The following DSCAM variants were observed in gnomAD, a reference collection of about 807,000 sequenced individuals.
DSCAM encodes the protein cell adhesion molecule DSCAM.
DSCAM carries 47 observed loss-of-function variants against 217.7 expected under a neutral mutation model. That is an observed-to-expected ratio of 0.22 (90% confidence interval 0.17 to 0.28). The LOEUF is 0.28. Among genes scored for constraint, DSCAM ranks in the 10% least tolerant of loss-of-function variants. The probability of loss-of-function intolerance (pLI) is 1.00; values close to 1 mark genes in which losing one functional copy is unlikely to be tolerated. For synonymous variants in DSCAM, 1,056 were observed against 1,015.3 expected (o/e 1.04, Z -0.76); for missense variants, 2,080 against 2,618.3 (o/e 0.79, Z 4.49).
At chr21:40,590,008 C>A (rs1463821314) in intron 3 of DSCAM, among the ~76,000 whole-genome samples, 1 of 152,154 alleles carries the variant, frequency 6.6e-6, no homozygotes, top group East Asian at 1.9e-4. Flanking sequence ...AACTCCTCTT[C>A]CTGAGAACTG....
At chr21:40,585,179 C>CTTTCTTTCT (rs371140909) in intron 3 of DSCAM, among the ~76,000 whole-genome samples, 5 of 145,916 alleles carry the variant, frequency 3.4e-5, no homozygotes, top group Non-Finnish European at 6.0e-5. Flanking sequence ...AAATCAACTT[C>CTTTCTTTCT]TTTTTTTTTT....
intron 1 of DSCAM, among the ~76,000 whole-genome samples, chr21:40,821,393 GCACACACACA>G: frequency 6.8e-6 from 1 of 146,236 alleles, no homozygotes; most frequent in Non-Finnish European, 1.5e-5. Flanking sequence ...ACACACGCGC[GCACACACACA>G]CACACACACA....
chr21:40,204,198 CGT>C (rs1430081108), intron 11 of DSCAM, among the ~76,000 whole-genome samples: 2 of 152,278 alleles, frequency 1.3e-5, no homozygotes, highest in African/African-American at 4.8e-5. Flanking sequence ...TATTTGTGTG[CGT>C]GTGTGCACAC....
At chr21:40,407,221 T>C (rs924174225) in intron 3 of DSCAM, among the ~76,000 whole-genome samples, 3 of 152,250 alleles carry the variant, frequency 2.0e-5, no homozygotes, top group Admixed American at 6.5e-5. Context: ...GAATAAATTG[T>C]GTACATTTCC....
chr21:40,467,930 C>CA (rs56379350), intron 3 of DSCAM, among the ~76,000 whole-genome samples: 5,091 of 84,256 alleles, frequency 0.06, 249 homozygotes, highest in African/African-American at 0.14. Context: ...AAAGATTAAC[C>CA]AAAAAAAAAA....
chr21:40,691,127 C>T (rs769009418), intron 3 of DSCAM, among the ~76,000 whole-genome samples: 2 of 152,228 alleles, frequency 1.3e-5, no homozygotes, highest in Non-Finnish European at 2.9e-5. Context: ...CAATTTCTCA[C>T]CCAGATTTCC....
At chr21:40,317,278 A>G (rs2123507119) in intron 8 of DSCAM, among the ~76,000 whole-genome samples, 1 of 152,322 alleles carries the variant, frequency 6.6e-6, no homozygotes, top group Admixed American at 6.5e-5. Flanking sequence ...TAAATTTTAG[A>G]TTACTGACCC....
At chr21:40,041,834 A>G (rs2088756556) in intron 32 of DSCAM, among the ~76,000 whole-genome samples, 1 of 152,184 alleles carries the variant, frequency 6.6e-6, no homozygotes, top group Non-Finnish European at 1.5e-5. Flanking sequence ...TTTAAAATAC[A>G]GCCCTCACAT....
At chr21:40,763,071 T>C (rs749169279) in intron 1 of DSCAM, among the ~76,000 whole-genome samples, 22 of 152,176 alleles carry the variant, frequency 1.4e-4, no homozygotes, top group Non-Finnish European at 2.5e-4. Context: ...CTATTCAACA[T>C]AGCATTGGAA....
chr21:40,734,626 T>C (rs1382655020), intron 1 of DSCAM, among the ~76,000 whole-genome samples: 1 of 152,208 alleles, frequency 6.6e-6, no homozygotes, highest in African/African-American at 2.4e-5. Context: ...CGGAGAGGTC[T>C]ACAGATAATG....
chr21:40,701,165 T>C (rs2090652706), intron 2 of DSCAM, among the ~76,000 whole-genome samples: 2 of 152,230 alleles, frequency 1.3e-5, no homozygotes, highest in African/African-American at 4.8e-5. Context: ...GCTATTCAGT[T>C]TATCTGTTTT....
At chr21:40,779,023 T>A (rs1348555672) in intron 1 of DSCAM, among the ~76,000 whole-genome samples, 2 of 76,422 alleles carry the variant, frequency 2.6e-5, no homozygotes, top group Admixed American at 2.2e-4. Context: ...AAACTCCATC[T>A]CAAAAACAGA....
intron 26 of DSCAM, among the ~76,000 whole-genome samples, chr21:40,078,337 G>A (rs2089398673): frequency 6.6e-6 from 1 of 152,162 alleles, no homozygotes. Flanking sequence ...ATGAGGTGGG[G>A]AAAGGGGTGG....
intron 3 of DSCAM, among the ~76,000 whole-genome samples, chr21:40,680,785 C>T (rs2090392466): frequency 6.6e-6 from 1 of 152,210 alleles, no homozygotes; most frequent in Admixed American, 6.5e-5. Context: ...GTCAATGCAA[C>T]TTTGCAAATA....
chr21:40,455,142 G>T (rs139100912), intron 3 of DSCAM, among the ~76,000 whole-genome samples: 2 of 152,172 alleles, frequency 1.3e-5, no homozygotes, highest in Middle Eastern at 3.2e-3. Flanking sequence ...GAAGCTCCCA[G>T]CATGGGATTG....
intron 3 of DSCAM, among the ~76,000 whole-genome samples, chr21:40,656,009 A>C (rs2090071253): frequency 6.6e-6 from 1 of 150,882 alleles, no homozygotes; most frequent in East Asian, 2.0e-4. Context: ...CCATGATTGC[A>C]CCACTGCACT....
At chr21:40,829,737 G>T (rs956144372) in intron 1 of DSCAM, among the ~76,000 whole-genome samples, 1 of 152,146 alleles carries the variant, frequency 6.6e-6, no homozygotes, top group Admixed American at 6.5e-5. Context: ...CATAGAAATG[G>T]ATATGAAAAG....
intron 6 of DSCAM, among the ~76,000 whole-genome samples, chr21:40,346,231 C>T (rs73355331): frequency 0.031 from 4,751 of 152,244 alleles, 254 homozygotes; most frequent in African/African-American, 0.11. Context: ...AATTATTATA[C>T]GGAACACAGT....
chr21:40,043,042 C>T (rs767511477), intron 31 of DSCAM, among the ~76,000 whole-genome samples: 5 of 152,222 alleles, frequency 3.3e-5, no homozygotes, highest in Non-Finnish European at 7.3e-5. Context: ...CCTAGAGACT[C>T]TTTAATTGGC....
Sources: gnomAD v4.1 joint callset for allele counts (sites outside exome capture counted in the v4.1 genomes callset) on GRCh38, gnomAD v4.1.1 for gene constraint, MANE v1.5 for transcripts, NCBI Gene and HGNC (gene_info 2026-07-23, HGNC 2026-07-21) for gene names.